CSRNP3: variants seen among roughly 807,000 people sequenced by gnomAD.
CSRNP3 encodes the protein cysteine/serine-rich nuclear protein 3.
A neutral mutation model predicts 48.0 loss-of-function variants in CSRNP3; 12 were observed. That is an observed-to-expected ratio of 0.25 (90% CI 0.16 to 0.41). The LOEUF (loss-of-function observed/expected upper bound fraction) is 0.41, where lower values mean the gene tolerates loss of function less well. CSRNP3 is among the 10% of genes least tolerant of loss of function. The pLI, the probability that CSRNP3 is intolerant of heterozygous loss-of-function variation, is 1.00. For missense variants in CSRNP3, 580 were observed against 724.4 expected (o/e 0.80, Z 2.29); for synonymous variants, 263 against 269.7 (o/e 0.98, Z 0.24).
At chr2:165,648,266 A>G (rs564642956) in intron 4 of CSRNP3, among the ~76,000 whole-genome samples, 33 of 152,154 alleles carry the variant, frequency 2.2e-4, no homozygotes, top group Non-Finnish European at 4.0e-4. Flanking sequence ...CTAAATTAGA[A>G]CAAAAATTAG....
intron 3 of CSRNP3, among the ~76,000 whole-genome samples, chr2:165,525,089 G>A (rs1684715407): frequency 6.6e-6 from 1 of 152,050 alleles, no homozygotes; most frequent in Non-Finnish European, 1.5e-5. Context: ...CTGACACTTG[G>A]TATTATCAGT....
At chr2:165,477,265 C>A (rs1683974039) in intron 1 of CSRNP3, among the ~76,000 whole-genome samples, 1 of 151,224 alleles carries the variant, frequency 6.6e-6, no homozygotes, top group Non-Finnish European at 1.5e-5. Context: ...AATATCCATT[C>A]CTGTTAAGTC....
chr2:165,551,801 T>C (rs1057431141), intron 3 of CSRNP3, among the ~76,000 whole-genome samples: 6 of 152,048 alleles, frequency 3.9e-5, no homozygotes, highest in African/African-American at 1.4e-4. Context: ...AAAAAAAATC[T>C]CAGAACTCCA....
At chr2:165,615,361 G>A (rs141636047) in intron 4 of CSRNP3, among the ~76,000 whole-genome samples, 2,331 of 151,830 alleles carry the variant, frequency 0.015, 28 homozygotes, top group South Asian at 0.031. Context: ...GGCTAACATG[G>A]TGAAACCCCA....
At chr2:165,531,769 A>G in intron 3 of CSRNP3, among the ~76,000 whole-genome samples, 1 of 152,180 alleles carries the variant, frequency 6.6e-6, no homozygotes, top group East Asian at 1.9e-4. Flanking sequence ...TGAATCCAGG[A>G]GCTGGTTTTT....
At chr2:165,582,277 T>C (rs1040123388) in intron 3 of CSRNP3, among the ~76,000 whole-genome samples, 1 of 152,204 alleles carries the variant, frequency 6.6e-6, no homozygotes, top group East Asian at 1.9e-4. Flanking sequence ...TGGCCCATAG[T>C]AGGTGCTCAC....
At chr2:165,586,358 T>C (rs933729187) in intron 3 of CSRNP3, among the ~76,000 whole-genome samples, 3 of 152,196 alleles carry the variant, frequency 2.0e-5, no homozygotes, top group Non-Finnish European at 2.9e-5. Flanking sequence ...TTTAGATGTT[T>C]TGGTTAATTG....
intron 3 of CSRNP3, among the ~76,000 whole-genome samples, chr2:165,527,745 A>G (rs1346180936): frequency 6.6e-6 from 1 of 152,192 alleles, no homozygotes; most frequent in Non-Finnish European, 1.5e-5. Context: ...ATCATAAACA[A>G]CATAAAGAGA....
chr2:165,477,921 G>A (rs532205985), intron 1 of CSRNP3, among the ~76,000 whole-genome samples: 29 of 150,466 alleles, frequency 1.9e-4, no homozygotes, highest in Non-Finnish European at 3.4e-4. Flanking sequence ...AGGTTGCAGT[G>A]AGCCGAGGTC....
chr2:165,481,776 G>T (rs567081021), intron 1 of CSRNP3, among the ~76,000 whole-genome samples: 17 of 152,148 alleles, frequency 1.1e-4, no homozygotes, highest in Non-Finnish European at 2.2e-4. Context: ...ACACATTCTG[G>T]CATTATGAAA....
intron 3 of CSRNP3, among the ~76,000 whole-genome samples, chr2:165,558,469 CT>C (rs1685189538): frequency 6.6e-6 from 1 of 152,138 alleles, no homozygotes; most frequent in Non-Finnish European, 1.5e-5. Context: ...TTTTCTCTGC[CT>C]TTTGGGAGGA....
intron 1 of CSRNP3, among the ~76,000 whole-genome samples, chr2:165,490,320 A>C (rs202134887): frequency 0.24 from 32,897 of 137,188 alleles, 4,325 homozygotes; most frequent in East Asian, 0.34. Context: ...AATGGAAGAA[A>C]ATTCCATGCT....
chr2:165,490,626 G>GCCCT (rs1684191714), intron 1 of CSRNP3, among the ~76,000 whole-genome samples: 1 of 142,012 alleles, frequency 7.0e-6, no homozygotes, highest in African/African-American at 2.7e-5. Flanking sequence ...ACAGAACAGA[G>GCCCT]CCCTCAGAAA....
chr2:165,500,463 A>T (rs535566300), intron 2 of CSRNP3, among the ~76,000 whole-genome samples: 18 of 136,868 alleles, frequency 1.3e-4, no homozygotes, highest in African/African-American at 4.1e-4. Flanking sequence ...ATATATATAT[A>T]TTTTGAGACG....
At chr2:165,471,646 A>G (rs1574789477) in intron 1 of CSRNP3, among the ~76,000 whole-genome samples, 1 of 152,086 alleles carries the variant, frequency 6.6e-6, no homozygotes, top group Non-Finnish European at 1.5e-5. Flanking sequence ...GAATAAAACC[A>G]GAGTATATTG....
chr2:165,643,981 G>A (rs906497610), intron 4 of CSRNP3, among the ~76,000 whole-genome samples: 16 of 152,106 alleles, frequency 1.1e-4, no homozygotes, highest in African/African-American at 3.1e-4. Flanking sequence ...GACTGCTAAC[G>A]GCAGGAAATT....
intron 4 of CSRNP3, among the ~76,000 whole-genome samples, chr2:165,644,855 C>G (rs892256752): frequency 2.0e-5 from 3 of 152,092 alleles, no homozygotes; most frequent in African/African-American, 7.2e-5. Flanking sequence ...AACAAAATAC[C>G]ATAAACTGGG....
At chr2:165,646,371 G>A (rs1044319492) in intron 4 of CSRNP3, among the ~76,000 whole-genome samples, 1 of 152,092 alleles carries the variant, frequency 6.6e-6, no homozygotes, top group South Asian at 2.1e-4. Context: ...TTTAAGTGAT[G>A]TTCTGACCTG....
intron 4 of CSRNP3, among the ~76,000 whole-genome samples, chr2:165,604,941 C>G (rs568138105): frequency 2.0e-5 from 3 of 152,088 alleles, no homozygotes; most frequent in African/African-American, 7.2e-5. Context: ...TTTCTGTCTT[C>G]TTATATATTT....
Sources: allele counts gnomAD v4.1 joint callset (sites outside exome capture counted in the v4.1 genomes callset), GRCh38; gene constraint gnomAD v4.1.1; transcripts MANE v1.5; gene names NCBI Gene and HGNC (gene_info 2026-07-23, HGNC 2026-07-21).